The following RGS7BP variants were observed in gnomAD, a reference collection of about 807,000 sequenced individuals.
RGS7BP encodes the protein regulator of G protein signaling 7-binding protein.
In RGS7BP, 9 loss-of-function variants were observed where a neutral mutation model predicts 31.3. The ratio of observed to expected loss-of-function variants is 0.29; its 90% CI spans 0.17 to 0.50. RGS7BP has a LOEUF of 0.50. Among genes scored for constraint, RGS7BP ranks in the 20% least tolerant of loss-of-function variants. RGS7BP has a pLI of 0.98. For missense variants in RGS7BP, 274 were observed against 322.0 expected (o/e 0.85, Z 1.14); for synonymous variants, 115 against 120.1 (o/e 0.96, Z 0.28).
At chr5:64,581,305 C>G (rs1742590624) in intron 3 of RGS7BP, among the ~76,000 whole-genome samples, 1 of 152,202 alleles carries the variant, frequency 6.6e-6, no homozygotes, top group Admixed American at 6.5e-5. Flanking sequence ...TGCCATTCCC[C>G]TCTTCTTCAG....
intron 2 of RGS7BP, among the ~76,000 whole-genome samples, chr5:64,524,825 G>T (rs372547799): frequency 3.4e-4 from 52 of 152,078 alleles, no homozygotes; most frequent in African/African-American, 1.2e-3. Context: ...TGCCCACGAG[G>T]CCCCTTAGCA....
chr5:64,538,447 T>C (rs941943088), intron 2 of RGS7BP, among the ~76,000 whole-genome samples: 2 of 151,650 alleles, frequency 1.3e-5, no homozygotes, highest in African/African-American at 4.8e-5. Flanking sequence ...TTTGTCTTTG[T>C]CAAAATATCA....
intron 2 of RGS7BP, among the ~76,000 whole-genome samples, chr5:64,547,494 G>C (rs1054129346): frequency 6.6e-6 from 1 of 152,140 alleles, no homozygotes; most frequent in Non-Finnish European, 1.5e-5. Context: ...CAATTTCAAA[G>C]TTTCCTACCT....
intron 2 of RGS7BP, among the ~76,000 whole-genome samples, chr5:64,513,684 A>C (rs1442713305): frequency 6.6e-6 from 1 of 152,194 alleles, no homozygotes; most frequent in Non-Finnish European, 1.5e-5. Context: ...AGGAGGCCTT[A>C]TGTGGGCAGT....
At chr5:64,524,647 C>T (rs1262128380) in intron 2 of RGS7BP, among the ~76,000 whole-genome samples, 3 of 152,218 alleles carry the variant, frequency 2.0e-5, no homozygotes, top group Non-Finnish European at 4.4e-5. Context: ...GAATCCCTAA[C>T]TCCTAAACTT....
chr5:64,548,787 A>G (rs1301582060), intron 2 of RGS7BP, among the ~76,000 whole-genome samples: 1 of 151,796 alleles, frequency 6.6e-6, no homozygotes, highest in Admixed American at 6.6e-5. Flanking sequence ...GATTATAAGC[A>G]TGAGCCACCA....
At chr5:64,579,176 A>C (rs2111909847) in intron 3 of RGS7BP, among the ~76,000 whole-genome samples, 1 of 152,276 alleles carries the variant, frequency 6.6e-6, no homozygotes, top group African/African-American at 2.4e-5. Flanking sequence ...GGCAATGAGG[A>C]GGAGGAGACT....
At chr5:64,507,972 A>G in intron 2 of RGS7BP, 95 bp downstream of exon 2, 2 of 1,044,512 alleles carry the variant, frequency 1.9e-6, no homozygotes, top group East Asian at 2.5e-5. Flanking sequence ...TGATCTCCAC[A>G]TATTTGAGAT....
chr5:64,586,270 C>A (rs1228129537), intron 3 of RGS7BP, among the ~76,000 whole-genome samples: 2 of 152,110 alleles, frequency 1.3e-5, no homozygotes, highest in South Asian at 2.1e-4. Context: ...ATGAACTGAC[C>A]CTGAAAACCT....
intron 3 of RGS7BP, among the ~76,000 whole-genome samples, chr5:64,582,487 C>G (rs150939357): frequency 6.6e-6 from 1 of 152,196 alleles, no homozygotes. Context: ...CCCTCTGACT[C>G]TGCTTGTCCT....
At chr5:64,509,315 G>GT (rs915409436) in intron 2 of RGS7BP, among the ~76,000 whole-genome samples, 7 of 152,202 alleles carry the variant, frequency 4.6e-5, no homozygotes, top group Non-Finnish European at 1.5e-5. Flanking sequence ...AGGCTAAGGA[G>GT]TAGCAACTCT....
chr5:64,566,632 A>G (rs952964860), intron 2 of RGS7BP, among the ~76,000 whole-genome samples: 1 of 152,008 alleles, frequency 6.6e-6, no homozygotes, highest in African/African-American at 2.4e-5. Flanking sequence ...TTACTATTAA[A>G]ATGAGCAAAA....
chr5:64,515,023 T>C (rs1159141727), intron 2 of RGS7BP, among the ~76,000 whole-genome samples: 1 of 152,228 alleles, frequency 6.6e-6, no homozygotes, highest in African/African-American at 2.4e-5. Flanking sequence ...AATCTAAAAC[T>C]AACTTTGGAA....
chr5:64,506,434 G>T lies in RGS7BP; in HGVS notation c.-191G>T. On this transcript the variant is annotated 5_prime_UTR_variant, in exon 1 of 6. Coordinates refer to ENST00000334025, the MANE Select transcript of RGS7BP (RefSeq NM_001029875.3). This position sits in a 1 kb window ranked among gnomAD's most constrained non-coding sequence, Gnocchi z 4.6. ...GCTGCTAGTGGAAGCGATGCTGCAC[G>T]GCACAGCTAGCGCTTCCCCGGCTCT... 2 of 466,240 alleles carry T rather than the reference G, an allele frequency of 4.3e-6. No individual in the cohort carries two copies. The highest frequency in any genetic ancestry group is 7.6e-6 in the Non-Finnish European group (2 of 264,320). 28.9% of individuals were successfully genotyped at this position (466,240 alleles called of 1,614,324 possible). A position where few individuals can be genotyped will look rare whatever the true frequency, so the allele number is the denominator to read the frequency against.
chr5:64,596,698 T>C (rs1330372298), intron 4 of RGS7BP, among the ~76,000 whole-genome samples: 2 of 152,062 alleles, frequency 1.3e-5, no homozygotes, highest in Non-Finnish European at 2.9e-5. Flanking sequence ...CCCATGAGAG[T>C]GGATTTGGAA....
chr5:64,586,205 C>G (rs1742746952), intron 3 of RGS7BP, among the ~76,000 whole-genome samples: 1 of 152,130 alleles, frequency 6.6e-6, no homozygotes, highest in South Asian at 2.1e-4. Context: ...AAATTGGCCA[C>G]TTTCCAGGTT....
At chr5:64,547,869 A>G (rs1391311541) in intron 2 of RGS7BP, among the ~76,000 whole-genome samples, 2 of 152,142 alleles carry the variant, frequency 1.3e-5, no homozygotes, top group Admixed American at 6.5e-5. Flanking sequence ...ATCATTCACT[A>G]TAATCAGAAG....
At chr5:64,594,444 G>A (rs1743006819) in intron 3 of RGS7BP, among the ~76,000 whole-genome samples, 2 of 152,106 alleles carry the variant, frequency 1.3e-5, no homozygotes, top group Admixed American at 1.3e-4. Flanking sequence ...CTCTATCAAA[G>A]ACAGGGGCTT....
intron 2 of RGS7BP, among the ~76,000 whole-genome samples, chr5:64,544,898 C>A (rs565387186): frequency 6.6e-6 from 1 of 152,054 alleles, no homozygotes; most frequent in Admixed American, 6.6e-5. Flanking sequence ...GGCTTTTGGC[C>A]GGGCGTGGTG....
Sources: gnomAD v4.1 joint callset for allele counts (sites outside exome capture counted in the v4.1 genomes callset) on GRCh38, gnomAD v4.1.1 for gene constraint, Gnocchi (gnomAD v3.1) non-coding constraint, MANE v1.5 for transcripts, NCBI Gene and HGNC (gene_info 2026-07-23, HGNC 2026-07-21) for gene names.